MAP2: variants seen among roughly 807,000 people sequenced by gnomAD.
The protein encoded by MAP2 is microtubule-associated protein 2.
Under a neutral mutation model 137.6 loss-of-function variants are expected in MAP2, and 14 were observed. The observed-to-expected ratio is 0.10, with a 90% CI of 0.07 to 0.16. The LOEUF is 0.16. Ranked by LOEUF, MAP2 falls within the 10% of genes least tolerant of loss-of-function variation. The pLI, the probability that MAP2 is intolerant of heterozygous loss-of-function variation, is 1.00. For synonymous variants in MAP2, 786 were observed against 782.3 expected, an observed-to-expected ratio of 1.00 and a Z score of -0.08; for missense variants, 2,088 against 2,191.5, an observed-to-expected ratio of 0.95 and a Z score of 0.94.
intron 12 of MAP2, among the ~76,000 whole-genome samples, chr2:209,708,833 G>C (rs1267397637): frequency 1.3e-5 from 2 of 152,098 alleles, no homozygotes; most frequent in African/African-American, 4.8e-5. Flanking sequence ...TTAGACGTTA[G>C]TAGCATCTGG....
rs3036697 is a variant in MAP2 at position 209,720,638 on chromosome 2, C to CAA, written c.5074-5049_5074-5048dup. 2.2e-3 allele frequency among the ~76,000 whole-genome samples: 158 copies of CAA among 72,642 alleles called. 1 individual carries two copies. Among genetic ancestry groups the CAA allele is most frequent in the African/African-American group, 5.5e-3 (115 of 20,934 alleles). The allele number at this position is 72,642 out of a possible 152,430, so 47.7% of individuals were successfully genotyped here. On this transcript the variant is annotated intron_variant, in intron 13 of 15. Transcript: ENST00000682079. Reference sequence around the variant, plus strand: ...TGGGTGACAGAGCGATACTTGGTCTCAAAAAAAAAAAAAAAAAAAAAAACT... The same window carrying CAA: ...TGGGTGACAGAGCGATACTTGGTCTCAAAAAAAAAAAAAAAAAAAAAAAAACT...
intron 5 of MAP2, among the ~76,000 whole-genome samples, chr2:209,672,937 C>T (rs530102696): frequency 2.0e-5 from 3 of 151,892 alleles, no homozygotes; most frequent in South Asian, 2.1e-4. Context: ...TATTAATCTC[C>T]TGTATGTGTT....
chr2:209,476,490 G>T (rs1447286418), intron 1 of MAP2, among the ~76,000 whole-genome samples: 1 of 150,828 alleles, frequency 6.6e-6, no homozygotes, highest in African/African-American at 2.4e-5. Flanking sequence ...TCCTGAAAGT[G>T]AAATATAGTA....
chr2:209,429,430 C>A (rs902586337), intron 1 of MAP2, among the ~76,000 whole-genome samples: 2 of 151,738 alleles, frequency 1.3e-5, no homozygotes, highest in African/African-American at 4.8e-5. Flanking sequence ...TCAGGCAGTC[C>A]ATTGTCTTTA....
At chr2:209,720,004 C>T (rs1302067045) in intron 13 of MAP2, among the ~76,000 whole-genome samples, 2 of 152,136 alleles carry the variant, frequency 1.3e-5, no homozygotes, top group Non-Finnish European at 2.9e-5. Context: ...GGAATGAGAG[C>T]ACCCTAGGGA....
At position 209,695,724 on chromosome 2, in the gene MAP2, C is replaced by T; in HGVS notation, c.3554C>T (p.Ala1185Val). Residue 1185 changes from alanine (A) to valine (V), a missense_variant, in exon 8 of 16, where the codon GCC becomes GTC. Ala to Val is a moderately conservative substitution (Grantham distance 64). Coordinates refer to ENST00000682079, the MANE Select transcript of MAP2 (RefSeq NM_001375505.1). ...CCTGCTGTTTCAGAGGCTGATTTAG[C>T]CACAGATGAGAGAGCTGATGTCCAG... ...CPPAVSEADL[A>V]TDERADVQME... 1.2e-6 allele frequency: 2 copies of T among 1,614,016 alleles called. No homozygotes were observed. The highest frequency in any genetic ancestry group is 1.7e-6 in the Non-Finnish European group (2 of 1,179,992).
chr2:209,593,277 T>C (rs1237199865), intron 3 of MAP2, among the ~76,000 whole-genome samples: 2 of 149,908 alleles, frequency 1.3e-5, no homozygotes, highest in Non-Finnish European at 2.9e-5. Context: ...TAAAATGTAT[T>C]GTTATTGTTT....
Position 209,704,385 on chromosome 2 carries a change from T to A in MAP2, c.4585-1195T>A, listed in dbSNP as rs763919412. The stretch of plus-strand genomic sequence containing the variant: ...TTTCTTATATGTTTATACTTCTTTT[T>A]TATCTTCCTTTTACTTTATAGTTTG... On this transcript the variant is annotated intron_variant, in intron 11 of 15. Coordinates refer to ENST00000682079, the MANE Select transcript of MAP2 (RefSeq NM_001375505.1). 2.4e-5 allele frequency: 35 copies of A among 1,432,268 alleles called. No individual in the cohort carries two copies. In the Middle Eastern group the frequency reaches 7.9e-4, roughly 32 times the overall value. 88.7% of individuals were successfully genotyped at this position (1,432,268 alleles called of 1,614,324 possible). A position where few individuals can be genotyped will look rare whatever the true frequency, so the allele number is the denominator to read the frequency against.
At chr2:209,685,200 C>T (rs2056545573) in intron 7 of MAP2, among the ~76,000 whole-genome samples, 1 of 152,072 alleles carries the variant, frequency 6.6e-6, no homozygotes, top group African/African-American at 2.4e-5. Flanking sequence ...TATCAAGGTT[C>T]TTACTGTGAG....
intron 1 of MAP2, among the ~76,000 whole-genome samples, chr2:209,507,279 C>T (rs13036178): frequency 0.058 from 8,797 of 152,088 alleles, 290 homozygotes; most frequent in South Asian, 0.092. Flanking sequence ...ACAGAATGTG[C>T]TAAAAATTCT....
intron 1 of MAP2, among the ~76,000 whole-genome samples, chr2:209,500,331 T>C (rs943297600): frequency 5.3e-5 from 8 of 152,184 alleles, no homozygotes; most frequent in Non-Finnish European, 1.0e-4. Flanking sequence ...ATTGCTCTTC[T>C]TATGGGTCAT....
chr2:209,634,852 C>T (rs1053976466), intron 4 of MAP2, among the ~76,000 whole-genome samples: 2 of 152,020 alleles, frequency 1.3e-5, no homozygotes, highest in Non-Finnish European at 2.9e-5. Context: ...ACTAGTTTAT[C>T]GAACTTAATT....
intron 11 of MAP2, among the ~76,000 whole-genome samples, chr2:209,702,402 T>C (rs992816302): frequency 6.6e-6 from 1 of 152,044 alleles, no homozygotes; most frequent in Non-Finnish European, 1.5e-5. Context: ...CCCGAGTAAC[T>C]TTTATTTGAT....
At chr2:209,637,499 A>C (rs997752964) in intron 4 of MAP2, among the ~76,000 whole-genome samples, 2 of 151,982 alleles carry the variant, frequency 1.3e-5, no homozygotes, top group Non-Finnish European at 2.9e-5. Context: ...ATAAGGTAAG[A>C]TGAGATAAGA....
At chr2:209,700,403 G>C in intron 11 of MAP2, 65 bp downstream of exon 11, 1 of 1,251,700 alleles carries the variant, frequency 8.0e-7, no homozygotes. Flanking sequence ...TGTAACATCA[G>C]AATAACTTTT....
chr2:209,486,738 T>C (rs1463306822), intron 1 of MAP2, among the ~76,000 whole-genome samples: 4 of 152,246 alleles, frequency 2.6e-5, no homozygotes, highest in Non-Finnish European at 5.9e-5. Context: ...AGGTGAATTA[T>C]AGGGGAAAAT....
intron 2 of MAP2, among the ~76,000 whole-genome samples, chr2:209,554,057 C>T (rs1325080673): frequency 6.6e-6 from 1 of 152,170 alleles, no homozygotes; most frequent in Non-Finnish European, 1.5e-5. Context: ...TGGGTGTGTT[C>T]AAGATACCTG....
intron 10 of MAP2, among the ~76,000 whole-genome samples, chr2:209,699,071 G>A (rs1039384260): frequency 1.3e-5 from 2 of 152,184 alleles, no homozygotes; most frequent in Non-Finnish European, 2.9e-5. Flanking sequence ...CTAATGTTAA[G>A]ATACTTTAGG....
At chr2:209,722,147 A>G (rs1192066956) in intron 13 of MAP2, 1 of 152,230 alleles carries the variant, frequency 6.6e-6, no homozygotes, top group Non-Finnish European at 1.5e-5. Flanking sequence ...TGTTAGATAC[A>G]GACTCTGTGA....
Sources: allele counts gnomAD v4.1 joint callset (sites outside exome capture counted in the v4.1 genomes callset), GRCh38; gene constraint gnomAD v4.1.1; transcripts MANE v1.5; gene names NCBI Gene and HGNC (gene_info 2026-07-23, HGNC 2026-07-21).